The following LINC00237 variants were observed in gnomAD, a reference collection of about 807,000 sequenced individuals.
The protein encoded by LINC00237 is long intergenic non-protein coding RNA 237.
At chr20:21,091,300 C>T (rs745481053) in intron 2 of LINC00237, among the ~76,000 whole-genome samples, 4 of 152,106 alleles carry the variant, frequency 2.6e-5, no homozygotes, top group South Asian at 4.1e-4. Context: ...ATAGGCCCGA[C>T]GAGAGAGCCG....
exon 4 of LINC00237, among the ~76,000 whole-genome samples, chr20:21,085,740 C>T (rs907629580): frequency 1.3e-5 from 2 of 152,148 alleles, no homozygotes; most frequent in African/African-American, 2.4e-5. Flanking sequence ...GTGCTGGTTA[C>T]ATGAGTGAGT....
intron 1 of LINC00237, among the ~76,000 whole-genome samples, chr20:21,104,585 G>T (rs978067731): frequency 6.6e-6 from 1 of 152,248 alleles, no homozygotes; most frequent in Non-Finnish European, 1.5e-5. Flanking sequence ...GGCCCAGGAC[G>T]CGGGGCAGCT....
chr20:21,104,023 G>T (rs748990908), intron 1 of LINC00237, among the ~76,000 whole-genome samples: 10 of 147,886 alleles, frequency 6.8e-5, no homozygotes, highest in Non-Finnish European at 1.3e-4. Flanking sequence ...TTACTGAGAC[G>T]CTCAGTCCTT....
chr20:21,104,006 C>T (rs2030966619), intron 1 of LINC00237, among the ~76,000 whole-genome samples: 1 of 152,024 alleles, frequency 6.6e-6, no homozygotes, highest in Non-Finnish European at 1.5e-5. Context: ...TCCCCACCTC[C>T]ATGTCATTAC....
At chr20:21,103,132 C>A (rs1476011937) in intron 1 of LINC00237, among the ~76,000 whole-genome samples, 1 of 152,270 alleles carries the variant, frequency 6.6e-6, no homozygotes, top group East Asian at 1.9e-4. Context: ...GCCTCAGAGC[C>A]CCAAACCGGA....
chr20:21,097,484 C>A (rs1007945436), intron 1 of LINC00237, among the ~76,000 whole-genome samples: 10 of 152,080 alleles, frequency 6.6e-5, no homozygotes, highest in Admixed American at 3.9e-4. Flanking sequence ...ATCCTTTATG[C>A]TCCATAGAGA....
At chr20:21,092,894 C>A (rs2122172535) in intron 2 of LINC00237, 1 of 152,310 alleles carries the variant, frequency 6.6e-6, no homozygotes, top group South Asian at 2.1e-4. Flanking sequence ...GTATTACTCA[C>A]AACAACCGGG....
In LINC00237 at chr20:21,101,191, T is replaced by A. The variant is rs1371835385; in HGVS notation, n.88+5080A>T. ...AGCGTCCATCGGAGGAGAACACGGTTACAGCCCCTCGGCCGGGAATCCGAC... is the reference window on the plus strand; with the variant it reads ...AGCGTCCATCGGAGGAGAACACGGTAACAGCCCCTCGGCCGGGAATCCGAC... On this transcript the variant is annotated intron_variant and non_coding_transcript_variant, in intron 1 of 3. Coordinates refer to ENST00000691244, the Ensembl canonical transcript of LINC00237. The surrounding 1 kb of genome is among the most constrained non-coding windows in gnomAD (Gnocchi z 4.3). 6.6e-6 allele frequency among the ~76,000 whole-genome samples: 1 copy of A among 152,142 alleles called. No individual in the cohort carries two copies. Among genetic ancestry groups the A allele is most frequent in the Non-Finnish European group, 1.5e-5 (1 of 68,030 alleles).
intron 1 of LINC00237, among the ~76,000 whole-genome samples, chr20:21,105,732 C>A (rs1217333807): frequency 6.6e-6 from 1 of 152,232 alleles, no homozygotes; most frequent in Non-Finnish European, 1.5e-5. Flanking sequence ...CGGCTGGAAA[C>A]CCCGGAGACT....
At chr20:21,098,703 T>C (rs2030890496) in intron 1 of LINC00237, among the ~76,000 whole-genome samples, 1 of 152,202 alleles carries the variant, frequency 6.6e-6, no homozygotes, top group Non-Finnish European at 1.5e-5. Context: ...AAATAGAAAG[T>C]AGAATATTGA....
At chr20:21,096,640 AT>A (rs2030862238) in intron 1 of LINC00237, among the ~76,000 whole-genome samples, 1 of 152,006 alleles carries the variant, frequency 6.6e-6, no homozygotes, top group Non-Finnish European at 1.5e-5. Flanking sequence ...TCTGCACACT[AT>A]TTTTTTCCTT....
exon 4 of LINC00237, among the ~76,000 whole-genome samples, chr20:21,085,811 T>G (rs1253639073): frequency 6.6e-6 from 1 of 151,934 alleles, no homozygotes; most frequent in East Asian, 1.9e-4. Context: ...ATATTTACTT[T>G]ATCATTATGA....
intron 2 of LINC00237, among the ~76,000 whole-genome samples, chr20:21,092,150 T>C (rs1452446076): frequency 6.6e-6 from 1 of 152,228 alleles, no homozygotes; most frequent in African/African-American, 2.4e-5. Flanking sequence ...ACTCTGCTAA[T>C]TCTGTACTAT....
chr20:21,104,332 A>G (rs2030969990), intron 1 of LINC00237, among the ~76,000 whole-genome samples: 1 of 152,266 alleles, frequency 6.6e-6, no homozygotes, highest in Non-Finnish European at 1.5e-5. Context: ...TGCGGGAACC[A>G]GAGCGTTGGC....
chr20:21,094,984 A>G (rs1196905324), intron 1 of LINC00237, among the ~76,000 whole-genome samples: 1 of 152,160 alleles, frequency 6.6e-6, no homozygotes, highest in Non-Finnish European at 1.5e-5. Flanking sequence ...CCAGGAGGTG[A>G]GGTTGCAGTG....
chr20:21,086,667 C>CTATATATAGTATATATG (rs2030705330), intron 3 of LINC00237, among the ~76,000 whole-genome samples: 1 of 55,314 alleles, frequency 1.8e-5, no homozygotes, highest in Non-Finnish European at 3.8e-5. Flanking sequence ...GTATAGTATA[C>CTATATATAGTATATATG]TATATATAGT....
At chr20:21,099,023 T>C (rs1173595372) in intron 1 of LINC00237, among the ~76,000 whole-genome samples, 1 of 152,254 alleles carries the variant, frequency 6.6e-6, no homozygotes, top group Non-Finnish European at 1.5e-5. Context: ...GGTAAGTGTT[T>C]AAATTCAGGC....
chr20:21,086,550 T>C (rs995019202), intron 3 of LINC00237, among the ~76,000 whole-genome samples: 8 of 116,540 alleles, frequency 6.9e-5, no homozygotes, highest in African/African-American at 2.5e-4. Flanking sequence ...TACCTATATA[T>C]GTACTATATA....
chr20:21,093,159 G>T (rs1216928456), intron 2 of LINC00237: 1 of 152,218 alleles, frequency 6.6e-6, no homozygotes, highest in East Asian at 1.9e-4. Context: ...AGAGTCGCTA[G>T]TTGTGATAAT....
Sources: allele counts gnomAD v4.1 joint callset (sites outside exome capture counted in the v4.1 genomes callset), GRCh38; gene constraint gnomAD v4.1.1; non-coding constraint Gnocchi (gnomAD v3.1); transcripts MANE v1.5; gene names NCBI Gene and HGNC (gene_info 2026-07-23, HGNC 2026-07-21).